CADPS2: variants seen among roughly 807,000 people sequenced by gnomAD.
The protein encoded by CADPS2 is calcium-dependent secretion activator 2.
Under a neutral mutation model 172.5 loss-of-function variants are expected in CADPS2, and 93 were observed. The ratio of observed to expected loss-of-function variants is 0.54; its 90% CI spans 0.46 to 0.64. The LOEUF (loss-of-function observed/expected upper bound fraction) is 0.64, where lower values mean the gene tolerates loss of function less well. Among genes scored for constraint, CADPS2 ranks in the 30% least tolerant of loss-of-function variants. The pLI is 0.00. For missense variants in CADPS2, 1,420 were observed against 1,565.9 expected (o/e 0.91, Z 1.57); for synonymous variants, 546 against 555.2 (o/e 0.98, Z 0.23).
At chr7:122,573,791 T>C (rs2067589407) in intron 7 of CADPS2, among the ~76,000 whole-genome samples, 1 of 152,256 alleles carries the variant, frequency 6.6e-6, no homozygotes, top group South Asian at 2.1e-4. Flanking sequence ...TATAAAATGA[T>C]ATAAACTGTA....
At chr7:122,567,880 C>T (rs927888009) in intron 7 of CADPS2, among the ~76,000 whole-genome samples, 7 of 151,610 alleles carry the variant, frequency 4.6e-5, no homozygotes, top group African/African-American at 7.3e-5. Flanking sequence ...AGAGGAGAAA[C>T]GGGATAACAG....
intron 1 of CADPS2, among the ~76,000 whole-genome samples, chr7:122,745,426 C>T (rs1197038191): frequency 6.6e-6 from 1 of 151,784 alleles, no homozygotes; most frequent in Admixed American, 6.6e-5. Flanking sequence ...ATCCCAAAGC[C>T]TATATTCTTT....
chr7:122,582,154 A>G (rs1453833720), intron 6 of CADPS2, among the ~76,000 whole-genome samples: 2 of 152,168 alleles, frequency 1.3e-5, no homozygotes, highest in Non-Finnish European at 2.9e-5. Flanking sequence ...AATACAGATC[A>G]TGTTAAAAAT....
intron 2 of CADPS2, among the ~76,000 whole-genome samples, chr7:122,674,226 G>A (rs2082173370): frequency 2.0e-5 from 3 of 152,192 alleles, no homozygotes. Flanking sequence ...ACACCTCCCT[G>A]CAAGCAGAGG....
chr7:122,381,876 A>T (rs1022838151), intron 24 of CADPS2, among the ~76,000 whole-genome samples: 1 of 152,180 alleles, frequency 6.6e-6, no homozygotes, highest in African/African-American at 2.4e-5. Flanking sequence ...AAATCCAAAT[A>T]GTGTGAGGTT....
chr7:122,613,057 G>C (rs1156743686), intron 6 of CADPS2, among the ~76,000 whole-genome samples: 1 of 152,108 alleles, frequency 6.6e-6, no homozygotes, highest in Non-Finnish European at 1.5e-5. Context: ...AAATGGATCA[G>C]TGACCTAAAT....
intron 6 of CADPS2, among the ~76,000 whole-genome samples, chr7:122,596,991 T>C (rs1471543869): frequency 6.6e-6 from 1 of 151,912 alleles, no homozygotes; most frequent in African/African-American, 2.4e-5. Flanking sequence ...TGTGCAGAGA[T>C]TACCTGGGGA....
intron 2 of CADPS2, among the ~76,000 whole-genome samples, chr7:122,690,523 G>T (rs1210718832): frequency 1.3e-5 from 2 of 152,200 alleles, no homozygotes; most frequent in Non-Finnish European, 2.9e-5. Context: ...GCAATGAGGG[G>T]CTTGGAGGGT....
chr7:122,323,759 C>A (rs10248298), intron 29 of CADPS2, among the ~76,000 whole-genome samples: 54,529 of 150,684 alleles, frequency 0.36, 10,084 homozygotes, highest in East Asian at 0.47. Flanking sequence ...TAGGCATTAG[C>A]TTGAAAATAT....
At chr7:122,430,124 C>T (rs1028912833) in intron 17 of CADPS2, among the ~76,000 whole-genome samples, 2 of 152,076 alleles carry the variant, frequency 1.3e-5, no homozygotes, top group African/African-American at 4.8e-5. Flanking sequence ...AAAATAAGAA[C>T]ACAGGGGTTA....
chr7:122,583,981 TTACTC>T (rs926534483), intron 6 of CADPS2, among the ~76,000 whole-genome samples: 19 of 151,586 alleles, frequency 1.3e-4, no homozygotes, highest in African/African-American at 4.3e-4. Flanking sequence ...TTATAGTAGA[TTACTC>T]TATTGTCTTC....
chr7:122,797,652 C>CTT (rs1796675205), intron 1 of CADPS2, among the ~76,000 whole-genome samples: 1 of 150,498 alleles, frequency 6.6e-6, no homozygotes, highest in Admixed American at 6.6e-5. Context: ...GATGAGAACA[C>CTT]ATGGACACCT....
chr7:122,462,765 A>G (rs1202084277), intron 14 of CADPS2, among the ~76,000 whole-genome samples: 1 of 152,190 alleles, frequency 6.6e-6, no homozygotes, highest in East Asian at 1.9e-4. Flanking sequence ...TCATCACCAA[A>G]TGATGATAAC....
At chr7:122,771,157 C>G (rs1405069087) in intron 1 of CADPS2, among the ~76,000 whole-genome samples, 1 of 152,196 alleles carries the variant, frequency 6.6e-6, no homozygotes, top group Non-Finnish European at 1.5e-5. Flanking sequence ...GAAACATAAC[C>G]TGCAGTAGGA....
intron 1 of CADPS2, among the ~76,000 whole-genome samples, chr7:122,815,937 T>C (rs1660624915): frequency 2.0e-5 from 3 of 152,218 alleles, no homozygotes; most frequent in Admixed American, 1.3e-4. Context: ...TGTGAAATTT[T>C]GATACAAGCA....
intron 19 of CADPS2, among the ~76,000 whole-genome samples, chr7:122,408,226 T>A (rs1031274214): frequency 1.3e-5 from 2 of 152,230 alleles, no homozygotes; most frequent in Admixed American, 6.5e-5. Flanking sequence ...CTGTTTTCAA[T>A]TTTTTGCTAT....
At chr7:122,829,018 T>A (rs1805735744) in intron 1 of CADPS2, among the ~76,000 whole-genome samples, 1 of 152,208 alleles carries the variant, frequency 6.6e-6, no homozygotes, top group South Asian at 2.1e-4. Flanking sequence ...GTGCGAATGT[T>A]TTAAATCATT....
At chr7:122,410,706 G>T (rs549963562) in intron 19 of CADPS2, among the ~76,000 whole-genome samples, 1 of 145,378 alleles carries the variant, frequency 6.9e-6, no homozygotes, top group Admixed American at 7.2e-5. Context: ...ATTGACTACC[G>T]CAATCAGTAA....
At chr7:122,721,847 T>G (rs1233564479) in intron 2 of CADPS2, among the ~76,000 whole-genome samples, 2 of 152,104 alleles carry the variant, frequency 1.3e-5, no homozygotes, top group African/African-American at 2.4e-5. Flanking sequence ...TCCACCACGA[T>G]CAAGTGGGCT....
Sources: allele counts gnomAD v4.1 joint callset (sites outside exome capture counted in the v4.1 genomes callset), GRCh38; gene constraint gnomAD v4.1.1; transcripts MANE v1.5; gene names NCBI Gene and HGNC (gene_info 2026-07-23, HGNC 2026-07-21).